DMBT1: variants seen among roughly 807,000 people sequenced by gnomAD.
DMBT1 encodes scavenger receptor cysteine-rich domain-containing protein DMBT1.
Under a neutral mutation model 252.9 loss-of-function variants are expected in DMBT1, and 198 were observed. That is an observed-to-expected ratio of 0.78 (90% confidence interval 0.70 to 0.88). The LOEUF (loss-of-function observed/expected upper bound fraction) is 0.88. DMBT1 is among the 40% of genes least tolerant of loss of function. DMBT1 has a pLI of 0.00. For synonymous variants in DMBT1, 990 were observed against 942.7 expected (o/e 1.05, Z -0.92); for missense variants, 2,432 against 2,404.7 (o/e 1.01, Z -0.24).
intron 6 of DMBT1, 70 bp downstream of exon 6, chr10:122,573,832 A>G: frequency 6.4e-7 from 1 of 1,569,236 alleles, no homozygotes; most frequent in Non-Finnish European, 8.8e-7. Context: ...TCTCTGATTC[A>G]GATGAGGTGC....
chr10:122,640,020 C>G lies in DMBT1; in HGVS notation c.6943-20C>G. ...CAGGTGACATGTGCCTGACTCTGCT[C>G]TCTTGCCTGCCTCTCCTAGGCAGAC... On this transcript the variant is annotated intron_variant, in intron 54 of 55. Transcript: ENST00000338354. 3 of 1,606,876 alleles carry G rather than the reference C, an allele frequency of 1.9e-6. No homozygotes were observed. Among genetic ancestry groups the G allele is most frequent in the Non-Finnish European group, 2.6e-6 (3 of 1,175,298 alleles).
Position 122,633,195 on chromosome 10 carries a change from T to C in DMBT1, c.6402T>C (p.Asp2134=). Residue 2134 remains aspartate (D), a synonymous_variant, in exon 52 of 56, where the codon GAT becomes GAC. Transcript: ENST00000338354. ...PFLNITRPNT[D]YSCGGFLSQP... ...TCCCACTTTTTGTCCTGACAGCAGA[T>C]TATTCCTGCGGAGGCTTCCTATCCC... 2 of 1,613,930 alleles carry C rather than the reference T, an allele frequency of 1.2e-6. No individual in the cohort carries two copies. Among genetic ancestry groups the C allele is most frequent in the African/African-American group, 1.3e-5 (1 of 75,062 alleles).
chr10:122,643,666 G>C lies in DMBT1; in HGVS notation c.*268G>C. Reference sequence around the variant, plus strand: ...AATCCATGCTTCTCATCTGCAAAATGAAAATGTCAATACTTACTTCTTAGC... The same window carrying C: ...AATCCATGCTTCTCATCTGCAAAATCAAAATGTCAATACTTACTTCTTAGC... On this transcript the variant is annotated 3_prime_UTR_variant, in exon 56 of 56. Coordinates refer to ENST00000338354, the MANE Select transcript of DMBT1 (RefSeq NM_001377530.1). 1 of 516,516 alleles carries C rather than the reference G, an allele frequency of 1.9e-6. No homozygotes were observed. The highest frequency in any genetic ancestry group is 3.5e-6 in the Non-Finnish European group (1 of 288,200). 32.0% of individuals were successfully genotyped at this position (516,516 alleles called of 1,614,324 possible).
rs761814232 is a variant in DMBT1, at chr10:122,560,850, A to T, written c.61+19A>T. The T allele has an allele frequency of 7.0e-5, 107 of 1,534,112 alleles. No homozygotes were observed. Among genetic ancestry groups the T allele is most frequent in the Non-Finnish European group, 9.2e-5 (104 of 1,130,364 alleles). On this transcript the variant is annotated intron_variant, in intron 1 of 55. Coordinates refer to ENST00000338354, the MANE Select transcript of DMBT1 (RefSeq NM_001377530.1). Reference sequence around the variant, plus strand: ...TCTACAGGTATTACGTTTAATTATTATATTCATTAATTTCTCTCCTGCAGA... The same window carrying T: ...TCTACAGGTATTACGTTTAATTATTTTATTCATTAATTTCTCTCCTGCAGA...
chr10:122,599,646 T>A (rs2097920748), intron 26 of DMBT1, among the ~76,000 whole-genome samples: 1 of 152,200 alleles, frequency 6.6e-6, no homozygotes, highest in South Asian at 2.1e-4. Flanking sequence ...GAGCATTGCC[T>A]GTGCCCCAGG....
At chr10:122,576,280 C>A in intron 6 of DMBT1, 119 bp from the exon 7 acceptor site, 2 of 1,417,146 alleles carry the variant, frequency 1.4e-6, no homozygotes, top group Non-Finnish European at 1.9e-6. Context: ...TAAAGCCCAG[C>A]CCAATTAGAG....
chr10:122,593,395 C>T (rs570090841), intron 20 of DMBT1, among the ~76,000 whole-genome samples, 174 bp from the exon 21 acceptor site: 36 of 148,176 alleles, frequency 2.4e-4, no homozygotes, highest in African/African-American at 7.8e-4. Context: ...GGATCTGCCT[C>T]GACCCCTTAC....
rs376263629 is a variant in DMBT1 at position 122,592,420 on chromosome 10, C to T, written c.2325C>T (p.Gly775=). The T allele has an allele frequency of 7.0e-5, 111 of 1,588,386 alleles. 11 individuals carry two copies. The highest frequency in any genetic ancestry group is 8.7e-5 in the Non-Finnish European group (102 of 1,165,856). ...NDANVVCRQL[G]CGWATSAPGN... is the part of the protein sequence containing the mutation. The stretch of plus-strand genomic sequence containing the variant: ...CCAATGTGGTCTGCAGGCAGCTGGG[C>T]TGTGGCTGGGCCACGTCGGCCCCAG... Residue 775 remains glycine (G), a synonymous_variant, in exon 20 of 56, where the codon GGC becomes GGT. Transcript: ENST00000338354.
chr10:122,573,953 T>A (rs2097689193), intron 6 of DMBT1, among the ~76,000 whole-genome samples, 191 bp downstream of exon 6: 1 of 152,114 alleles, frequency 6.6e-6, no homozygotes, highest in Non-Finnish European at 1.5e-5. Context: ...TGAGGAGGAA[T>A]CAACTTGAAG....
intron 18 of DMBT1, among the ~76,000 whole-genome samples, 153 bp from the exon 19 acceptor site, chr10:122,591,326 G>C (rs957637855): frequency 6.7e-6 from 1 of 148,576 alleles, no homozygotes; most frequent in Non-Finnish European, 1.5e-5. Context: ...TGTGCTTCCT[G>C]AGCTACAGAC....
chr10:122,626,462 T>C lies in DMBT1; in HGVS notation c.5668+497T>C, dbSNP rs1478329029. 3.3e-5 allele frequency among the ~76,000 whole-genome samples: 5 copies of C among 152,260 alleles called. No individual in the cohort carries two copies. The East Asian group carries it at 9.6e-4, about 29-fold the overall frequency. ...ATTTCTTCATTACTGTAAATGATTT[T>C]GTGATGAAGAATATTTTTATAGATA... is the stretch of plus-strand genomic sequence containing the variant. On this transcript the variant is annotated intron_variant, in intron 46 of 55. Transcript: ENST00000338354.
intron 44 of DMBT1, among the ~76,000 whole-genome samples, chr10:122,624,580 G>A (rs1433065351): frequency 1.3e-5 from 2 of 152,190 alleles, no homozygotes; most frequent in African/African-American, 2.4e-5. Flanking sequence ...GAGGTGACCA[G>A]TGTCAGGGCC....
intron 11 of DMBT1, 25 bp downstream of exon 11, chr10:122,580,920 A>G (rs77474728): frequency 6.2e-7 from 1 of 1,610,036 alleles, no homozygotes; most frequent in South Asian, 1.1e-5. Context: ...TCCTTCCTCA[A>G]AATGTCCCTT....
At chr10:122,635,258 T>G (rs889812284) in intron 52 of DMBT1, among the ~76,000 whole-genome samples, 1 of 152,218 alleles carries the variant, frequency 6.6e-6, no homozygotes, top group Non-Finnish European at 1.5e-5. Flanking sequence ...TTTAGAGAGA[T>G]TATTTGACTT....
At chr10:122,576,783 T>G (rs779050318) in intron 7 of DMBT1, 61 bp downstream of exon 7, 6 of 1,599,532 alleles carry the variant, frequency 3.8e-6, no homozygotes, top group Non-Finnish European at 5.1e-6. Flanking sequence ...TCCCCACACT[T>G]TGGGAGGATG....
intron 41 of DMBT1, among the ~76,000 whole-genome samples, chr10:122,618,719 A>G (rs900868946): frequency 6.6e-6 from 1 of 152,204 alleles, no homozygotes; most frequent in Admixed American, 6.5e-5. Flanking sequence ...ACTACAAGGA[A>G]CTGTGAACTA....
At chr10:122,573,208 C>A (rs1367511563) in intron 5 of DMBT1, among the ~76,000 whole-genome samples, 1 of 152,230 alleles carries the variant, frequency 6.6e-6, no homozygotes, top group Non-Finnish European at 1.5e-5. Flanking sequence ...ATCCAACCAC[C>A]AAGTGGGACT....
intron 8 of DMBT1, among the ~76,000 whole-genome samples, chr10:122,578,041 A>C (rs2097728344): frequency 6.6e-6 from 1 of 152,186 alleles, no homozygotes; most frequent in African/African-American, 2.4e-5. Context: ...AGTCCATCTC[A>C]GCTTTCATCA....
chr10:122,588,135 GACC>G (rs1166795576), intron 16 of DMBT1, among the ~76,000 whole-genome samples: 4 of 148,412 alleles, frequency 2.7e-5, no homozygotes, highest in African/African-American at 9.7e-5. Flanking sequence ...ACACGTTGCC[GACC>G]ACCACATTAC....
Sources: allele counts gnomAD v4.1 joint callset (sites outside exome capture counted in the v4.1 genomes callset), GRCh38; gene constraint gnomAD v4.1.1; transcripts MANE v1.5; gene names NCBI Gene and HGNC (gene_info 2026-07-23, HGNC 2026-07-21).